The following MAD1L1 variants were observed in gnomAD, a reference collection of about 807,000 sequenced individuals.
MAD1L1 encodes mitotic arrest deficient 1 like 1.
In MAD1L1, 95 loss-of-function variants were observed where a neutral mutation model predicts 96.9. That is an observed-to-expected ratio of 0.98 (90% CI 0.83 to 1.16). The LOEUF is 1.16. Among genes scored for constraint, MAD1L1 ranks in the 50% most tolerant of loss-of-function variants. The probability of loss-of-function intolerance (pLI) is 0.00; values close to 1 mark genes in which losing one functional copy is unlikely to be tolerated. For missense variants in MAD1L1, 1,007 were observed against 954.4 expected, an observed-to-expected ratio of 1.06 and a Z score of -0.73; for synonymous variants, 473 against 396.6, an observed-to-expected ratio of 1.19 and a Z score of -2.29.
At chr7:1,888,288 G>A (rs1232208930) in intron 18 of MAD1L1, among the ~76,000 whole-genome samples, 3 of 137,364 alleles carry the variant, frequency 2.2e-5, no homozygotes, top group African/African-American at 5.1e-5. Context: ...GCATGTGTGT[G>A]CATGCATGCG....
At chr7:1,923,240 T>G (rs559065771) in intron 17 of MAD1L1, among the ~76,000 whole-genome samples, 3 of 152,212 alleles carry the variant, frequency 2.0e-5, no homozygotes, top group African/African-American at 7.2e-5. Flanking sequence ...AGTTCTGCAG[T>G]CTGTGGTTGA....
chr7:1,957,641 C>G lies in MAD1L1; in HGVS notation c.1584G>C (p.Arg528=). ...EKRMLEAQLE[R]RALQGDYDQS... is the part of the protein sequence containing the mutation. ...GCCCCGCCCTCACCTGCAGAGCTCG[C>G]CGCTCCAGCTGTGCCTCCAGCATCC... is the stretch of plus-strand genomic sequence containing the variant. Residue 528 remains arginine, a synonymous_variant, in exon 16 of 19, where the codon CGG becomes CGC. Coordinates refer to ENST00000265854, the MANE Select transcript of MAD1L1 (RefSeq NM_001013836.2). The G allele has an allele frequency of 6.2e-7, 1 of 1,613,942 alleles. No homozygotes were observed. The highest frequency in any genetic ancestry group is 2.2e-5 in the East Asian group (1 of 44,888).
At chr7:2,222,105 G>A (rs1366360831) in intron 5 of MAD1L1, among the ~76,000 whole-genome samples, 2 of 146,004 alleles carry the variant, frequency 1.4e-5, no homozygotes, top group Non-Finnish European at 3.0e-5. Flanking sequence ...ACAGAGTCTT[G>A]CTGTGTTGCC....
intron 9 of MAD1L1, among the ~76,000 whole-genome samples, chr7:2,214,341 C>G (rs1793147466): frequency 6.6e-6 from 1 of 152,246 alleles, no homozygotes; most frequent in South Asian, 2.1e-4. Context: ...TAAGCTCCTA[C>G]AGAACCCAGC....
At chr7:2,203,764 C>A (rs1792439217) in intron 10 of MAD1L1, among the ~76,000 whole-genome samples, 1 of 152,204 alleles carries the variant, frequency 6.6e-6, no homozygotes, top group Non-Finnish European at 1.5e-5. Context: ...ACATAAAGAG[C>A]TTCTATGTAC....
chr7:2,169,519 C>A (rs1406604044), intron 10 of MAD1L1, among the ~76,000 whole-genome samples: 1 of 152,254 alleles, frequency 6.6e-6, no homozygotes, highest in East Asian at 1.9e-4. Context: ...GCATAAAGAG[C>A]TGTGCACATT....
chr7:1,942,444 C>A (rs979550954), intron 16 of MAD1L1, among the ~76,000 whole-genome samples: 1 of 152,194 alleles, frequency 6.6e-6, no homozygotes, highest in African/African-American at 2.4e-5. Flanking sequence ...GGAGCCCGCG[C>A]GCCACACATT....
chr7:2,151,583 C>T (rs1174148563), intron 10 of MAD1L1, among the ~76,000 whole-genome samples: 1 of 152,274 alleles, frequency 6.6e-6, no homozygotes, highest in South Asian at 2.1e-4. Flanking sequence ...GGGTCAGGAG[C>T]ATTTGACACC....
intron 17 of MAD1L1, among the ~76,000 whole-genome samples, chr7:1,927,881 G>A (rs190217206): frequency 1.3e-5 from 2 of 152,124 alleles, no homozygotes; most frequent in South Asian, 2.1e-4. Flanking sequence ...GAAGAGGCTC[G>A]TCACGGGCTG....
intron 18 of MAD1L1, among the ~76,000 whole-genome samples, chr7:1,855,720 C>T (rs909040890): frequency 2.0e-5 from 3 of 152,192 alleles, no homozygotes; most frequent in African/African-American, 4.8e-5. Context: ...TGAGCCCTCA[C>T]CAGCATCACC....
At chr7:1,866,511 A>T (rs1670874190) in intron 18 of MAD1L1, among the ~76,000 whole-genome samples, 2 of 152,186 alleles carry the variant, frequency 1.3e-5, no homozygotes, top group South Asian at 4.1e-4. Flanking sequence ...TCTGGGGCAG[A>T]GACACGAGGG....
chr7:2,104,552 T>C (rs1289616045), intron 11 of MAD1L1, among the ~76,000 whole-genome samples: 1 of 152,368 alleles, frequency 6.6e-6, no homozygotes, highest in African/African-American at 2.4e-5. Flanking sequence ...AGGAATGAAA[T>C]GCCAGCAACT....
intron 10 of MAD1L1, among the ~76,000 whole-genome samples, chr7:2,184,674 G>A (rs746791817): frequency 5.9e-5 from 9 of 152,124 alleles, no homozygotes; most frequent in South Asian, 2.1e-4. Flanking sequence ...GACAGCAAAC[G>A]GGGAAACAAA....
chr7:1,826,868 C>T (rs1331703888), intron 18 of MAD1L1, among the ~76,000 whole-genome samples: 1 of 152,236 alleles, frequency 6.6e-6, no homozygotes, highest in Non-Finnish European at 1.5e-5. Flanking sequence ...TGGGGTTTAT[C>T]TTCCCGGCGA....
chr7:1,954,105 A>G (rs1779621919), intron 16 of MAD1L1, among the ~76,000 whole-genome samples: 1 of 152,092 alleles, frequency 6.6e-6, no homozygotes, highest in African/African-American at 2.4e-5. Context: ...CCATCCCCGC[A>G]TGTGGCCCAT....
intron 10 of MAD1L1, among the ~76,000 whole-genome samples, chr7:2,176,675 C>G (rs1790962292): frequency 6.6e-6 from 1 of 151,998 alleles, no homozygotes; most frequent in African/African-American, 2.4e-5. Flanking sequence ...ACACGAGAAT[C>G]CAGCAAAGTC....
At chr7:2,219,006 G>C (rs1793442407) in intron 6 of MAD1L1, among the ~76,000 whole-genome samples, 1 of 152,172 alleles carries the variant, frequency 6.6e-6, no homozygotes, top group African/African-American at 2.4e-5. Flanking sequence ...GCTACAGTGA[G>C]CCATGATTAC....
intron 12 of MAD1L1, among the ~76,000 whole-genome samples, chr7:2,029,456 G>A (rs1019125220): frequency 3.9e-5 from 6 of 152,158 alleles, no homozygotes; most frequent in Admixed American, 1.3e-4. Flanking sequence ...CCGTGTTCCC[G>A]ACCGTGGAGC....
intron 10 of MAD1L1, chr7:2,193,182 C>G (rs1290287955): frequency 6.6e-6 from 1 of 152,490 alleles, no homozygotes; most frequent in Non-Finnish European, 1.5e-5. Context: ...CTCACACGCC[C>G]CACAGGGAGC....
Sources: allele counts gnomAD v4.1 joint callset (sites outside exome capture counted in the v4.1 genomes callset), GRCh38; gene constraint gnomAD v4.1.1; transcripts MANE v1.5; gene names NCBI Gene and HGNC (gene_info 2026-07-23, HGNC 2026-07-21).